Variants in RASSF3 observed in about 807,000 individuals in gnomAD.
RASSF3 encodes the protein Ras association domain family member 3, also known as ras association domain-containing protein 3.
A neutral mutation model predicts 19.9 loss-of-function variants in RASSF3; 19 were observed. The observed-to-expected ratio is 0.96, with a 90% CI of 0.67 to 1.40. RASSF3 has a LOEUF of 1.40. RASSF3 is among the 40% of genes most tolerant of loss of function. The pLI is 0.00. For synonymous variants in RASSF3, 110 were observed against 104.2 expected, an observed-to-expected ratio of 1.06 and a Z score of -0.34; for missense variants, 306 against 289.8, an observed-to-expected ratio of 1.06 and a Z score of -0.41.
In RASSF3 at chr12:64,660,032, GTATATATA is replaced by G. The variant is rs1249240217; in HGVS notation, c.112-24753_112-24746del. ...TATATATATGTGTGTGTGTGTATGTGTATATATATGTGTGTGTATGTATATATATATGT... is the reference window on the plus strand; with the variant it reads ...TATATATATGTGTGTGTGTGTATGTGTGTGTGTGTATGTATATATATATGT... On this transcript the variant is annotated intron_variant, in intron 1 of 4. Transcript: ENST00000542104. Among the ~76,000 whole-genome samples, 705 of 112,668 alleles carry G rather than the reference GTATATATA, an allele frequency of 6.3e-3. 10 individuals are homozygous for G. Among genetic ancestry groups the G allele is most frequent in the African/African-American group, 0.021 (655 of 31,022 alleles). The allele number at this position is 112,668 out of a possible 152,430, so 73.9% of individuals were successfully genotyped here.
At chr12:64,587,334 G>C (rs1461622783) in intron 2 of RASSF3, among the ~76,000 whole-genome samples, 1 of 152,076 alleles carries the variant, frequency 6.6e-6, no homozygotes, top group African/African-American at 2.4e-5. Flanking sequence ...TGGGATTACA[G>C]GCGTGAGCCA....
intron 3 of RASSF3, among the ~76,000 whole-genome samples, chr12:64,690,035 C>T (rs968690530): frequency 6.6e-5 from 10 of 151,846 alleles, no homozygotes; most frequent in African/African-American, 9.7e-5. Context: ...GTGATCCGCC[C>T]GCCTCAGCCT....
intron 2 of RASSF3, among the ~76,000 whole-genome samples, chr12:64,577,942 G>A (rs908096722): frequency 1.3e-5 from 2 of 152,100 alleles, no homozygotes; most frequent in Non-Finnish European, 2.9e-5. Flanking sequence ...AAAATTGCCA[G>A]GTGTGATGGC....
intron 1 of RASSF3, among the ~76,000 whole-genome samples, chr12:64,519,967 G>C (rs202140485): frequency 6.6e-6 from 1 of 152,038 alleles, no homozygotes; most frequent in African/African-American, 2.4e-5. Context: ...TTCTGTGTAC[G>C]TGACTTTGAT....
Position 64,695,880 on chromosome 12 carries a change from T to A in RASSF3, c.*968T>A, listed in dbSNP as rs1868349484. On this transcript the variant is annotated 3_prime_UTR_variant, in exon 5 of 5. Transcript: ENST00000542104. ...CACTAACTCTTGTTAAGTTACATAG[T>A]GTATAGCTTTCCCCCCACAGGTGGT... The A allele has an allele frequency of 6.6e-6, 1 of 152,212 alleles. No homozygotes were observed. Among genetic ancestry groups the A allele is most frequent in the African/African-American group, 2.4e-5 (1 of 41,446 alleles). The allele number at this position is 152,212 out of a possible 1,614,324, so 9.4% of individuals were successfully genotyped here. A position where few individuals can be genotyped will look rare whatever the true frequency, so the allele number is the denominator to read the frequency against.
intron 1 of RASSF3, among the ~76,000 whole-genome samples, chr12:64,683,055 A>T (rs967785921): frequency 6.6e-6 from 1 of 152,126 alleles, no homozygotes; most frequent in East Asian, 1.9e-4. Flanking sequence ...GACCTCTGTA[A>T]ATCTTCTGTC....
chr12:64,656,469 G>C (rs1438597433), intron 1 of RASSF3, among the ~76,000 whole-genome samples: 1 of 152,172 alleles, frequency 6.6e-6, no homozygotes, highest in Non-Finnish European at 1.5e-5. Context: ...AAAAAATGCT[G>C]TTAATGAATT....
intron 2 of RASSF3, among the ~76,000 whole-genome samples, chr12:64,588,034 T>C (rs1429614398): frequency 1.3e-5 from 2 of 152,204 alleles, no homozygotes; most frequent in Non-Finnish European, 2.9e-5. Context: ...AAATGGTTAC[T>C]GAGAATAAGA....
downstream of RASSF3, among the ~76,000 whole-genome samples, chr12:64,543,410 T>TCCCGC (rs1413984803): frequency 1.2e-4 from 9 of 72,726 alleles, no homozygotes; most frequent in East Asian, 8.3e-4. Flanking sequence ...TGCCTGAGTT[T>TCCCGC]CCCGCCCCCC....
At chr12:64,594,311 G>C (rs1869967066) in intron 2 of RASSF3, among the ~76,000 whole-genome samples, 1 of 152,088 alleles carries the variant, frequency 6.6e-6, no homozygotes, top group South Asian at 2.1e-4. Flanking sequence ...TCCAGCCTGG[G>C]TGACAGAGCA....
chr12:64,623,009 C>T lies in RASSF3; in HGVS notation c.111+12266C>T, dbSNP rs1006822726. 3.3e-5 allele frequency among the ~76,000 whole-genome samples: 5 copies of T among 151,826 alleles called. No homozygotes were observed. In the East Asian group the frequency reaches 5.8e-4, roughly 18 times the overall value. On this transcript the variant is annotated intron_variant, in intron 1 of 4. Transcript: ENST00000542104. The stretch of plus-strand genomic sequence containing the variant: ...CTAATTTTTGTATTTTTAGTAGAGA[C>T]GGGGTTTCACCATGTTGGTCAGGCT...
chr12:64,584,246 C>T (rs960272213), intron 2 of RASSF3, among the ~76,000 whole-genome samples: 4 of 152,202 alleles, frequency 2.6e-5, no homozygotes, highest in African/African-American at 4.8e-5. Context: ...CTTTATGGAA[C>T]AGCTCCTTCC....
chr12:64,619,138 A>C (rs1442129117), intron 1 of RASSF3, among the ~76,000 whole-genome samples: 5 of 151,978 alleles, frequency 3.3e-5, no homozygotes. Flanking sequence ...CCCTTGCCAG[A>C]GGTTTGAATC....
chr12:64,614,932 TAA>T (rs1472425612), intron 1 of RASSF3, among the ~76,000 whole-genome samples: 2 of 151,238 alleles, frequency 1.3e-5, no homozygotes, highest in African/African-American at 2.4e-5. Context: ...CTTCTGACCT[TAA>T]GTGATCTGCC....
downstream of RASSF3, among the ~76,000 whole-genome samples, chr12:64,546,117 A>AC (rs1565836692): frequency 4.0e-5 from 6 of 151,316 alleles, no homozygotes; most frequent in Non-Finnish European, 7.4e-5. Flanking sequence ...AAAAAAAAAA[A>AC]AAAGAATGCC....
Position 64,636,511 on chromosome 12 carries a change from T to C in RASSF3, c.111+25768T>C, listed in dbSNP as rs57591736. Among the ~76,000 whole-genome samples, 1,136 of 152,266 alleles carry C rather than the reference T, an allele frequency of 7.5e-3. 18 individuals are homozygous for C. Among genetic ancestry groups the C allele is most frequent in the African/African-American group, 0.026 (1,091 of 41,540 alleles). ...GGAGTTCTAGAAAGTGGTTGTATAT[T>C]GCTGCATGCTTGTTTTCCTCTCAGA... On this transcript the variant is annotated intron_variant, in intron 1 of 4. Coordinates refer to ENST00000542104, the MANE Select transcript of RASSF3 (RefSeq NM_178169.4).
chr12:64,684,926 C>A (rs752042070), intron 2 of RASSF3, 32 bp downstream of exon 2: 1 of 1,246,976 alleles, frequency 8.0e-7, no homozygotes, highest in East Asian at 2.3e-5. Context: ...TAGGTTGACA[C>A]CTGTCAAAAG....
chr12:64,559,504 C>T (rs566585488), intron 2 of RASSF3, among the ~76,000 whole-genome samples: 5 of 152,148 alleles, frequency 3.3e-5, no homozygotes, highest in South Asian at 4.1e-4. Context: ...CTCCTGACCT[C>T]GTGATCTGCC....
At chr12:64,668,431 C>T (rs554638945) in intron 1 of RASSF3, among the ~76,000 whole-genome samples, 1 of 152,094 alleles carries the variant, frequency 6.6e-6, no homozygotes, top group Admixed American at 6.5e-5. Flanking sequence ...GCCATCACAC[C>T]TGGCTAGTTT....
Sources: allele counts gnomAD v4.1 joint callset (sites outside exome capture counted in the v4.1 genomes callset), GRCh38; gene constraint gnomAD v4.1.1; transcripts MANE v1.5; gene names NCBI Gene and HGNC (gene_info 2026-07-23, HGNC 2026-07-21).